Variants in TXNL4A observed in about 807,000 individuals in gnomAD.
TXNL4A encodes thioredoxin like 4A.
Under a neutral mutation model 14.6 loss-of-function variants are expected in TXNL4A, and 17 were observed. The ratio of observed to expected loss-of-function variants is 1.16; its 90% CI spans 0.80 to 1.74. TXNL4A has a LOEUF of 1.74. Ranked by LOEUF, TXNL4A falls within the 40% of genes most tolerant of loss-of-function variation. The probability of loss-of-function intolerance (pLI) is 0.00; values close to 1 mark genes in which losing one functional copy is unlikely to be tolerated. For synonymous variants in TXNL4A, 83 were observed against 70.6 expected, an observed-to-expected ratio of 1.18 and a Z score of -0.88; for missense variants, 74 against 195.2, an observed-to-expected ratio of 0.38 and a Z score of 3.70.
chr18:79,984,090 GT>G (rs1180068790), intron 1 of TXNL4A, among the ~76,000 whole-genome samples: 1 of 151,654 alleles, frequency 6.6e-6, no homozygotes, highest in Non-Finnish European at 1.5e-5. Flanking sequence ...CTACAAGGCT[GT>G]TTTTTTTCCA....
At chr18:80,021,769 T>A (rs1739628396) in intron 1 of TXNL4A, among the ~76,000 whole-genome samples, 2 of 152,124 alleles carry the variant, frequency 1.3e-5, no homozygotes, top group Non-Finnish European at 2.9e-5. Flanking sequence ...GGCTTTTAGG[T>A]TTTTGTTCTG....
chr18:79,999,837 C>T (rs1226361246), intron 1 of TXNL4A, among the ~76,000 whole-genome samples: 1 of 152,154 alleles, frequency 6.6e-6, no homozygotes, highest in African/African-American at 2.4e-5. Context: ...ATCACGGGGG[C>T]AGTTTCCCTC....
At position 79,982,329 on chromosome 18, in the gene TXNL4A, G is replaced by C. The variant is rs555454576; in HGVS notation, c.154-4628C>G. Among the ~76,000 whole-genome samples, 1 of 152,304 alleles carries C rather than the reference G, an allele frequency of 6.6e-6. No homozygotes were observed. The highest frequency in any genetic ancestry group is 2.4e-5 in the African/African-American group (1 of 41,560). ...TTTCTAAGAAAGCAGGAATTGAAGA[G>C]TTCAGTTTTGTATATACTGAGTTTG... is the stretch of plus-strand genomic sequence containing the variant. On this transcript the variant is annotated intron_variant, in intron 1 of 2. Transcript: ENST00000269601. This position sits in a 1 kb window ranked among gnomAD's most constrained non-coding sequence, Gnocchi z 4.0.
chr18:80,019,224 T>C (rs1360445886), intron 1 of TXNL4A, among the ~76,000 whole-genome samples: 3 of 152,186 alleles, frequency 2.0e-5, no homozygotes, highest in Non-Finnish European at 4.4e-5. Context: ...TACCTGAAAC[T>C]AGGAACAAGA....
intron 1 of TXNL4A, among the ~76,000 whole-genome samples, chr18:80,005,839 C>G (rs1816312): frequency 0.79 from 119,427 of 152,088 alleles, 47,592 homozygotes; most frequent in East Asian, 0.91. Flanking sequence ...GCTTGAACCG[C>G]GAGGCAGAGG....
At chr18:79,999,241 A>G (rs948961118) in intron 1 of TXNL4A, among the ~76,000 whole-genome samples, 2 of 152,192 alleles carry the variant, frequency 1.3e-5, no homozygotes, top group African/African-American at 2.4e-5. Flanking sequence ...CAGAGCTGTT[A>G]GAAGCTATTC....
intron 1 of TXNL4A, chr18:79,986,834 T>A (rs2051556873): frequency 1.1e-6 from 1 of 925,038 alleles, no homozygotes; most frequent in Non-Finnish European, 1.3e-6. Flanking sequence ...AAACTGCTCT[T>A]AGTCAATTCT....
intron 1 of TXNL4A, among the ~76,000 whole-genome samples, chr18:80,016,387 T>C (rs1212777655): frequency 4.0e-5 from 6 of 151,898 alleles, no homozygotes; most frequent in African/African-American, 1.2e-4. Flanking sequence ...TTTGTCAATT[T>C]TGGCTTTTGT....
chr18:79,986,790 T>C (rs1308810145), intron 1 of TXNL4A: 1 of 984,694 alleles, frequency 1.0e-6, no homozygotes, highest in Non-Finnish European at 1.2e-6. Flanking sequence ...AATTCATAAC[T>C]CAAAGTCAAT....
intron 1 of TXNL4A, among the ~76,000 whole-genome samples, chr18:79,980,285 G>C (rs1024932998): frequency 6.6e-6 from 1 of 152,222 alleles, no homozygotes; most frequent in Non-Finnish European, 1.5e-5. Flanking sequence ...AGAATTGTGA[G>C]AGAAGTTTCT....
intron 1 of TXNL4A, among the ~76,000 whole-genome samples, chr18:80,027,220 C>T (rs1917410237): frequency 6.6e-6 from 1 of 151,950 alleles, no homozygotes; most frequent in African/African-American, 2.4e-5. Context: ...GTAGAGGAAG[C>T]CATAGATGGA....
chr18:79,977,217 A>G (rs1378175580), intron 2 of TXNL4A: 1 of 282,830 alleles, frequency 3.5e-6, no homozygotes. Flanking sequence ...TCGGCCTCCC[A>G]AAGTGCTGGG....
intron 1 of TXNL4A, among the ~76,000 whole-genome samples, chr18:80,018,852 G>A (rs969361196): frequency 4.6e-5 from 7 of 152,160 alleles, no homozygotes; most frequent in African/African-American, 1.4e-4. Flanking sequence ...CGAGTTAAAA[G>A]TTCCACAGTT....
chr18:79,992,884 A>AAG (rs1366740714), upstream of TXNL4A, among the ~76,000 whole-genome samples: 3 of 148,878 alleles, frequency 2.0e-5, no homozygotes, highest in South Asian at 2.1e-4. Context: ...TGTAAAAAAA[A>AAG]AAAAAAAAAA....
chr18:80,001,103 C>G (rs942903897), intron 1 of TXNL4A, among the ~76,000 whole-genome samples: 1 of 152,186 alleles, frequency 6.6e-6, no homozygotes, highest in Non-Finnish European at 1.5e-5. Flanking sequence ...CTAGTAAGGA[C>G]TTGGTGCCCT....
rs538094231 is a variant in TXNL4A at position 80,007,048 on chromosome 18, C to T, written c.-61+26803G>A. Among the ~76,000 whole-genome samples, 21 of 152,192 alleles carry T rather than the reference C, an allele frequency of 1.4e-4. No homozygotes were observed. The South Asian group carries it at 1.7e-3, about 12-fold the overall frequency. On this transcript the variant is annotated intron_variant, in intron 1 of 2. Coordinates refer to the TXNL4A transcript ENST00000585474. ...ATCCCTTTTCTATTGGCACAGCTGC[C>T]GGCATTCACCTATGCAGGCTTCCAG...
upstream of TXNL4A, among the ~76,000 whole-genome samples, chr18:79,990,977 G>A (rs936256645): frequency 6.6e-6 from 1 of 151,778 alleles, no homozygotes; most frequent in East Asian, 1.9e-4. Flanking sequence ...GCGCGGTGGC[G>A]GGCGCCTGTA....
intron 1 of TXNL4A, among the ~76,000 whole-genome samples, chr18:80,025,384 G>A (rs566577064): frequency 9.5e-4 from 144 of 152,268 alleles, no homozygotes; most frequent in African/African-American, 3.4e-3. Context: ...AACTTCCCCA[G>A]ACCAGATCTG....
chr18:79,996,103 C>CAAAAAAAAAAAAAAAAAAAAAA (rs60443481), intron 1 of TXNL4A, among the ~76,000 whole-genome samples: 1 of 61,316 alleles, frequency 1.6e-5, no homozygotes, highest in African/African-American at 7.3e-5. Context: ...GACTCTGACT[C>CAAAAAAAAAAAAAAAAAAAAAA]AAAAAAAAAA....
Sources: gnomAD v4.1 joint callset for allele counts (sites outside exome capture counted in the v4.1 genomes callset) on GRCh38, gnomAD v4.1.1 for gene constraint, Gnocchi (gnomAD v3.1) non-coding constraint, MANE v1.5 for transcripts, NCBI Gene and HGNC (gene_info 2026-07-23, HGNC 2026-07-21) for gene names.